TMEM71: variants seen among roughly 807,000 people sequenced by gnomAD.
The protein encoded by TMEM71 is transmembrane protein 71.
A neutral mutation model predicts 38.0 loss-of-function variants in TMEM71; 44 were observed. The ratio of observed to expected loss-of-function variants is 1.16; its 90% CI spans 0.91 to 1.49. The LOEUF (loss-of-function observed/expected upper bound fraction) is 1.49, where lower values mean the gene tolerates loss of function less well. Among genes scored for constraint, TMEM71 ranks in the 40% most tolerant of loss-of-function variants. TMEM71 has a pLI of 0.00. For synonymous variants in TMEM71, 133 were observed against 122.5 expected (o/e 1.09, Z -0.56); for missense variants, 367 against 348.6 (o/e 1.05, Z -0.42).
intron 5 of TMEM71, among the ~76,000 whole-genome samples, chr8:132,742,981 T>G (rs1039167765): frequency 2.6e-5 from 4 of 152,154 alleles, no homozygotes; most frequent in Non-Finnish European, 5.9e-5. Context: ...AAACTTCCCC[T>G]GATAGAATCA....
chr8:132,742,860 G>T (rs1399131762), intron 5 of TMEM71, among the ~76,000 whole-genome samples: 22 of 152,188 alleles, frequency 1.4e-4, no homozygotes, highest in Admixed American at 1.4e-3. Context: ...AGGTTTAATG[G>T]ACTTACAGTT....
At chr8:132,764,165 A>C (rs117376752), upstream of TMEM71, among the ~76,000 whole-genome samples, 3,358 of 152,256 alleles carry the variant, frequency 0.022, 63 homozygotes, top group Non-Finnish European at 0.031. Context: ...TAGGCTTATC[A>C]TCTAAGTCTC....
intron 5 of TMEM71, among the ~76,000 whole-genome samples, chr8:132,730,395 T>C (rs1283773426): frequency 1.3e-5 from 2 of 152,178 alleles, no homozygotes; most frequent in African/African-American, 2.4e-5. Flanking sequence ...TGCACAGATT[T>C]CCCCAGATAA....
chr8:132,772,147 G>A, the TMEM71 span, among the ~76,000 whole-genome samples: 1 of 152,148 alleles, frequency 6.6e-6, no homozygotes, highest in African/African-American at 2.4e-5. Flanking sequence ...TAATCAAGGA[G>A]TATCTGGTAT....
At chr8:132,728,468 C>T (rs1057024832) in intron 5 of TMEM71, among the ~76,000 whole-genome samples, 1 of 152,200 alleles carries the variant, frequency 6.6e-6, no homozygotes, top group African/African-American at 2.4e-5. Flanking sequence ...CCAGATCCCT[C>T]TCACAACATG....
rs1378786425 is a variant in TMEM71, at chr8:132,757,229, T to C, written c.101+5A>G. 3 of 1,605,858 alleles carry C rather than the reference T, an allele frequency of 1.9e-6. No individual in the cohort carries two copies. Among genetic ancestry groups the C allele is most frequent in the Non-Finnish European group, 2.6e-6 (3 of 1,173,932 alleles). On this transcript the variant is annotated splice_donor_5th_base_variant and intron_variant, in intron 3 of 9. Transcript: ENST00000677595. Reference sequence around the variant, plus strand: ...TATTTTTTTAAAAGAAGCCCCATAGTATACCTTGGGAAAATGCACGTGGGA... The same window carrying C: ...TATTTTTTTAAAAGAAGCCCCATAGCATACCTTGGGAAAATGCACGTGGGA...
intron 7 of TMEM71, among the ~76,000 whole-genome samples, chr8:132,715,503 C>T (rs1826478457): frequency 6.6e-6 from 1 of 151,014 alleles, no homozygotes; most frequent in Admixed American, 6.6e-5. Flanking sequence ...CATAGACTTA[C>T]CATATAACCC....
chr8:132,775,460 G>A, the TMEM71 span: 1 of 381,870 alleles, frequency 2.6e-6, no homozygotes, highest in East Asian at 3.8e-5. Context: ...TGAGGGCTCG[G>A]ACCCAGCTCC....
upstream of TMEM71, chr8:132,760,681 C>T (rs1488677796): frequency 2.0e-5 from 3 of 152,200 alleles, no homozygotes; most frequent in African/African-American, 7.2e-5. Context: ...GGTCACACTT[C>T]CTGTTGGGCT....
the TMEM71 span, among the ~76,000 whole-genome samples, chr8:132,774,822 A>G: frequency 6.6e-6 from 1 of 152,206 alleles, no homozygotes; most frequent in Non-Finnish European, 1.5e-5. Context: ...GTGCCTGAGC[A>G]CGCGCGTACA....
chr8:132,737,507 A>G (rs942640461), intron 5 of TMEM71, among the ~76,000 whole-genome samples: 1 of 152,162 alleles, frequency 6.6e-6, no homozygotes, highest in Non-Finnish European at 1.5e-5. Context: ...AACTTTCCCC[A>G]AAGAGCTTTT....
intron 3 of TMEM71, among the ~76,000 whole-genome samples, chr8:132,752,849 AAGGAAGG>A (rs1251032341): frequency 1.4e-5 from 2 of 144,426 alleles, no homozygotes; most frequent in Admixed American, 1.4e-4. Flanking sequence ...GGAAGGAAGG[AAGGAAGG>A]AAGGAAGGAA....
At chr8:132,721,325 G>C (rs1826830239) in intron 7 of TMEM71, among the ~76,000 whole-genome samples, 1 of 152,180 alleles carries the variant, frequency 6.6e-6, no homozygotes, top group Non-Finnish European at 1.5e-5. Flanking sequence ...GACAATTTAT[G>C]TGGGGATATA....
chr8:132,710,656 C>G lies in TMEM71; in HGVS notation c.*311G>C. The G allele has an allele frequency of 2.0e-6, 1 of 509,066 alleles. No homozygotes were observed. Among genetic ancestry groups the G allele is most frequent in the Non-Finnish European group, 3.4e-6 (1 of 294,002 alleles). The allele number at this position is 509,066 out of a possible 1,614,324, so 31.5% of individuals were successfully genotyped here. On this transcript the variant is annotated 3_prime_UTR_variant, in exon 10 of 10. Transcript: ENST00000677595. The stretch of plus-strand genomic sequence containing the variant: ...AATGAAAATTCAAGCTCGAGAACCA[C>G]TGCCTTAAAGAATCATAGGGGGACA...
chr8:132,747,165 T>A (rs1828437916), intron 4 of TMEM71, 51 bp from the exon 5 acceptor site: 16 of 1,442,696 alleles, frequency 1.1e-5, no homozygotes, highest in Non-Finnish European at 1.5e-5. Context: ...TACCTTTAGT[T>A]CAAAACTGTG....
downstream of TMEM71, among the ~76,000 whole-genome samples, chr8:132,706,231 G>A (rs1035071580): frequency 6.6e-6 from 1 of 152,120 alleles, no homozygotes; most frequent in Non-Finnish European, 1.5e-5. Flanking sequence ...TCTTATAGCA[G>A]TCTGAGCTAT....
At chr8:132,770,608 G>A in the TMEM71 span, among the ~76,000 whole-genome samples, 4 of 152,196 alleles carry the variant, frequency 2.6e-5, no homozygotes, top group African/African-American at 9.7e-5. Context: ...AAGAAGTAGA[G>A]TGAAAGATGT....
intron 5 of TMEM71, among the ~76,000 whole-genome samples, chr8:132,738,965 A>G (rs941346595): frequency 6.6e-6 from 1 of 152,176 alleles, no homozygotes; most frequent in African/African-American, 2.4e-5. Context: ...ATAGCTGTAT[A>G]AGTAGTTATC....
upstream of TMEM71, among the ~76,000 whole-genome samples, chr8:132,762,281 A>G (rs1829310797): frequency 1.3e-5 from 2 of 152,140 alleles, no homozygotes. Flanking sequence ...GCTGTCTGGT[A>G]TTCTCTTTAC....
Sources: allele counts gnomAD v4.1 joint callset (sites outside exome capture counted in the v4.1 genomes callset), GRCh38; gene constraint gnomAD v4.1.1; transcripts MANE v1.5; gene names NCBI Gene and HGNC (gene_info 2026-07-23, HGNC 2026-07-21).